The following ATP6V1H variants were observed in gnomAD, a reference collection of about 807,000 sequenced individuals.
The protein encoded by ATP6V1H is ATPase H+ transporting V1 subunit H.
ATP6V1H carries 39 observed loss-of-function variants against 71.7 expected under a neutral mutation model. The observed-to-expected ratio is 0.54, with a 90% CI of 0.42 to 0.71. The LOEUF is 0.71. ATP6V1H is among the 30% of genes least tolerant of loss of function. ATP6V1H has a pLI of 0.00. For missense variants in ATP6V1H, 509 were observed against 594.9 expected (o/e 0.86, Z 1.50); for synonymous variants, 192 against 199.3 (o/e 0.96, Z 0.31).
rs888394213 is a variant in ATP6V1H, at chr8:53,833,062, A to G, written c.138T>C (p.Asp46=). 2.5e-6 allele frequency: 4 copies of G among 1,613,578 alleles called. No individual in the cohort carries two copies. The highest frequency in any genetic ancestry group is 1.7e-5 in the Admixed American group (1 of 59,972). Residue 46 remains aspartate (D), a synonymous_variant, in exon 3 of 14, where the codon GAT becomes GAC. Transcript: ENST00000359530. Reference sequence around the variant, plus strand: ...TTTCAAACCTCTGAATAAACTCACAATCTTCAGCAGAAATCATCTGTCCCC... The same window carrying G: ...TTTCAAACCTCTGAATAAACTCACAGTCTTCAGCAGAAATCATCTGTCCCC... The part of the protein sequence containing the change: ...YLQGQMISAE[D]CEFIQRFEMK...
intron 8 of ATP6V1H, among the ~76,000 whole-genome samples, chr8:53,797,868 A>C (rs1390967120): frequency 6.6e-6 from 1 of 152,220 alleles, no homozygotes; most frequent in South Asian, 2.1e-4. Context: ...AAAATTTCCC[A>C]AAAAAATACA....
At chr8:53,726,900 TC>T (rs1291134356) in intron 13 of ATP6V1H, among the ~76,000 whole-genome samples, 1 of 152,104 alleles carries the variant, frequency 6.6e-6, no homozygotes. Context: ...CCACTTCCAC[TC>T]CCAAATCACA....
chr8:53,802,339 C>CA (rs1376554963), intron 7 of ATP6V1H, among the ~76,000 whole-genome samples: 3 of 152,172 alleles, frequency 2.0e-5, no homozygotes, highest in African/African-American at 7.2e-5. Flanking sequence ...TGACCGTGGA[C>CA]AAGTTCCTGA....
At chr8:53,759,287 A>G (rs1808180779) in intron 11 of ATP6V1H, among the ~76,000 whole-genome samples, 1 of 152,252 alleles carries the variant, frequency 6.6e-6, no homozygotes, top group South Asian at 2.1e-4. Context: ...ACATTTTTGT[A>G]TTATTAGCTG....
rs766500110 is a variant in ATP6V1H, at chr8:53,716,037, A to AATG, written c.1392-16_1392-14dup. 1 of 1,600,470 alleles carries AATG rather than the reference A, an allele frequency of 6.2e-7. No homozygotes were observed. Among genetic ancestry groups the AATG allele is most frequent in the Admixed American group, 1.7e-5 (1 of 57,988 alleles). On this transcript the variant is annotated splice_polypyrimidine_tract_variant and intron_variant, in intron 13 of 13. Coordinates refer to ENST00000359530, the MANE Select transcript of ATP6V1H (RefSeq NM_015941.4). ...GCCAAGGTATTCCCTGAAAAAAAAG[A>AATG]ATGAAGTAAGGAGAATGAGAATTTC...
At chr8:53,822,661 T>C in intron 4 of ATP6V1H, among the ~76,000 whole-genome samples, 1 of 152,104 alleles carries the variant, frequency 6.6e-6, no homozygotes, top group East Asian at 1.9e-4. Context: ...TCAAATTTCT[T>C]AGTAATATTC....
At chr8:53,781,103 C>G (rs368826744) in intron 9 of ATP6V1H, among the ~76,000 whole-genome samples, 19 of 151,906 alleles carry the variant, frequency 1.3e-4, no homozygotes, top group African/African-American at 2.9e-4. Context: ...CTAGATCCCT[C>G]AGGAATCGCC....
intron 9 of ATP6V1H, among the ~76,000 whole-genome samples, chr8:53,777,486 A>G (rs1808936780): frequency 6.7e-6 from 1 of 149,032 alleles, no homozygotes; most frequent in Admixed American, 6.7e-5. Flanking sequence ...GTACCGAAAG[A>G]AAAAAAAAAC....
In ATP6V1H at chr8:53,800,436, G is replaced by A. The variant is rs565588480; in HGVS notation, c.677+1363C>T. Among the ~76,000 whole-genome samples, 5 of 152,302 alleles carry A rather than the reference G, an allele frequency of 3.3e-5. No homozygotes were observed. The South Asian group carries it at 1.0e-3, about 32-fold the overall frequency. On this transcript the variant is annotated intron_variant, in intron 8 of 13. Transcript: ENST00000359530. ...TTCACAATTATTAGATTATTCAGAA[G>A]ATGAAAACAAAGAGATAGATTGCAC...
intron 13 of ATP6V1H, among the ~76,000 whole-genome samples, chr8:53,721,329 A>C (rs1806604160): frequency 2.0e-5 from 3 of 152,224 alleles, no homozygotes; most frequent in African/African-American, 7.2e-5. Flanking sequence ...TAAAAACCAC[A>C]GTGCCCTCTC....
intron 7 of ATP6V1H, among the ~76,000 whole-genome samples, chr8:53,810,742 AAAATAAAT>A (rs988606453): frequency 6.6e-6 from 1 of 152,208 alleles, no homozygotes; most frequent in Non-Finnish European, 1.5e-5. Flanking sequence ...TGTGTCTCAA[AAAATAAAT>A]AAATAAATAA....
intron 4 of ATP6V1H, among the ~76,000 whole-genome samples, chr8:53,821,401 G>A (rs937303674): frequency 1.3e-5 from 2 of 150,882 alleles, no homozygotes; most frequent in African/African-American, 4.9e-5. Flanking sequence ...GAGAGAGAGA[G>A]TCCAGGTGCG....
intron 9 of ATP6V1H, among the ~76,000 whole-genome samples, chr8:53,774,279 A>T (rs758777236): frequency 1.3e-5 from 2 of 152,268 alleles, no homozygotes; most frequent in African/African-American, 2.4e-5. Flanking sequence ...ATTCACAGAC[A>T]AACACACAAA....
At chr8:53,758,023 G>C (rs1808135290) in intron 11 of ATP6V1H, among the ~76,000 whole-genome samples, 1 of 152,230 alleles carries the variant, frequency 6.6e-6, no homozygotes, top group Admixed American at 6.5e-5. Flanking sequence ...AAGAGTCTGA[G>C]ATTGAAGAGC....
At chr8:53,762,096 T>C (rs1201252205) in intron 11 of ATP6V1H, among the ~76,000 whole-genome samples, 1 of 152,194 alleles carries the variant, frequency 6.6e-6, no homozygotes, top group Non-Finnish European at 1.5e-5. Flanking sequence ...TAAAGTTAAA[T>C]TGATAAAAAT....
chr8:53,721,295 T>G (rs1427571661), intron 13 of ATP6V1H, among the ~76,000 whole-genome samples: 1 of 152,216 alleles, frequency 6.6e-6, no homozygotes, highest in Non-Finnish European at 1.5e-5. Context: ...AATTTTGTTT[T>G]TCCTACATAA....
At chr8:53,743,181 G>GTGAAC (rs1473812213) in intron 13 of ATP6V1H, among the ~76,000 whole-genome samples, 7 of 152,204 alleles carry the variant, frequency 4.6e-5, no homozygotes, top group African/African-American at 1.7e-4. Flanking sequence ...TCAGCTTTTA[G>GTGAAC]TGTTTTTATG....
chr8:53,754,480 C>T (rs1208962501), intron 12 of ATP6V1H, among the ~76,000 whole-genome samples: 1 of 152,150 alleles, frequency 6.6e-6, no homozygotes, highest in East Asian at 1.9e-4. Flanking sequence ...CACCCATGTC[C>T]CCCAGGGCCC....
intron 9 of ATP6V1H, among the ~76,000 whole-genome samples, chr8:53,774,193 T>G (rs1808780595): frequency 6.6e-6 from 1 of 152,238 alleles, no homozygotes; most frequent in Non-Finnish European, 1.5e-5. Context: ...ACCAAGCCCA[T>G]GCAAAGGCAT....
Sources: gnomAD v4.1 joint callset for allele counts (sites outside exome capture counted in the v4.1 genomes callset) on GRCh38, gnomAD v4.1.1 for gene constraint, MANE v1.5 for transcripts, NCBI Gene and HGNC (gene_info 2026-07-23, HGNC 2026-07-21) for gene names.